Variants in PCDHGA3 observed in about 807,000 individuals in gnomAD.
PCDHGA3 encodes the protein protocadherin gamma-A3.
In PCDHGA3, 40 loss-of-function variants were observed where a neutral mutation model predicts 58.5. That is an observed-to-expected ratio of 0.68 (90% CI 0.53 to 0.89). The LOEUF (loss-of-function observed/expected upper bound fraction) is 0.89. PCDHGA3 is among the 40% of genes least tolerant of loss of function. The probability of loss-of-function intolerance (pLI) is 0.00; values close to 1 mark genes in which losing one functional copy is unlikely to be tolerated. For missense variants in PCDHGA3, 1,223 were observed against 1,195.9 expected (o/e 1.02, Z -0.33); for synonymous variants, 530 against 525.7 (o/e 1.01, Z -0.11).
At chr5:141,389,806 T>C in intron 1 of PCDHGA3, 3 of 1,613,810 alleles carry the variant, frequency 1.9e-6, no homozygotes, top group Non-Finnish European at 2.5e-6. Flanking sequence ...CAGCGCCTTC[T>C]GGTCGCCGTG....
chr5:141,366,571 G>A (rs1764656817), intron 1 of PCDHGA3: 4 of 1,614,112 alleles, frequency 2.5e-6, no homozygotes, highest in South Asian at 2.2e-5. Flanking sequence ...ATGGGGTTCG[G>A]GCTTTCCTGC....
chr5:141,402,855 T>G, intron 1 of PCDHGA3: 1 of 1,425,070 alleles, frequency 7.0e-7, no homozygotes, highest in Non-Finnish European at 9.2e-7. Flanking sequence ...CTCTTTCTTC[T>G]AAGGAAAAGA....
Position 141,489,732 on chromosome 5 carries a change from C to T in PCDHGA3, c.2425-5075C>T, listed in dbSNP as rs1562132763. On this transcript the variant is annotated intron_variant, in intron 1 of 3. Coordinates refer to ENST00000253812, the MANE Select transcript of PCDHGA3 (RefSeq NM_018916.4). This position sits in a 1 kb window ranked among gnomAD's most constrained non-coding sequence, Gnocchi z 4.5. ...GTGCCCAGGATCCGGATGTGGGCAC[C>T]AATACTGTGAGCTTTTACACTCTAA... 3.1e-6 allele frequency: 5 copies of T among 1,614,126 alleles called. No individual in the cohort carries two copies. The highest frequency in any genetic ancestry group is 1.1e-5 in the South Asian group (1 of 91,074).
chr5:141,404,722 G>C (rs1335640902), intron 1 of PCDHGA3: 2 of 1,614,138 alleles, frequency 1.2e-6, no homozygotes, highest in South Asian at 1.1e-5. Flanking sequence ...TGGTGACCAA[G>C]GTGGTGGCAG....
chr5:141,488,502 C>T (rs989368385), intron 1 of PCDHGA3, among the ~76,000 whole-genome samples: 2 of 152,146 alleles, frequency 1.3e-5, no homozygotes, highest in Non-Finnish European at 2.9e-5. Context: ...ACACTCATTC[C>T]ACATTTGGGG....
Position 141,346,044 on chromosome 5 carries a change from A to G in PCDHGA3, c.2011A>G (p.Ile671Val), listed in dbSNP as rs764384802. ...GGCCGTGGCCGACAGGATCCCCGAC[A>G]TCCTGGCCGACCTGGGCAGCCTCGA... ...TVAVADRIPDILADLGSLEPS... is the reference protein window; with the variant it reads ...TVAVADRIPDVLADLGSLEPS... Residue 671 changes from isoleucine (I) to valine (V), a missense_variant, in exon 1 of 4, where the codon ATC becomes GTC. Coordinates refer to ENST00000253812, the MANE Select transcript of PCDHGA3 (RefSeq NM_018916.4). The G allele has an allele frequency of 6.2e-6, 10 of 1,613,362 alleles. No individual in the cohort carries two copies. The highest frequency in any genetic ancestry group is 1.7e-4 in the Middle Eastern group (1 of 5,840).
chr5:141,415,461 T>G, intron 1 of PCDHGA3: 1 of 1,614,180 alleles, frequency 6.2e-7, no homozygotes, highest in African/African-American at 1.3e-5. Flanking sequence ...ACGAGGTCTC[T>G]CTCACCGCGG....
chr5:141,350,771 C>A, intron 1 of PCDHGA3: 1 of 1,613,922 alleles, frequency 6.2e-7, no homozygotes, highest in Non-Finnish European at 8.5e-7. Flanking sequence ...CACCATCAAC[C>A]CCAATCAATA....
chr5:141,409,033 A>T, intron 1 of PCDHGA3: 1 of 1,614,028 alleles, frequency 6.2e-7, no homozygotes, highest in Non-Finnish European at 8.5e-7. Context: ...ATGCTGAGAT[A>T]AACTACTACT....
In PCDHGA3 at chr5:141,486,585, GGGA is replaced by G; in HGVS notation, c.2425-8221_2425-8219del. The G allele has an allele frequency of 6.2e-7, 1 of 1,613,708 alleles. No individual in the cohort carries two copies. Among genetic ancestry groups the G allele is most frequent in the Non-Finnish European group, 8.5e-7 (1 of 1,180,024 alleles). On this transcript the variant is annotated intron_variant, in intron 1 of 3. Transcript: ENST00000253812. This position sits in a 1 kb window ranked among gnomAD's most constrained non-coding sequence, Gnocchi z 5.0. ...TTTGTTCCTGAGAACAATCGCCCAG[GGGA>G]CCTGCTTTGCTCCCTTGCAGCCTCT...
intron 1 of PCDHGA3, among the ~76,000 whole-genome samples, chr5:141,472,280 A>G (rs988007394): frequency 6.6e-6 from 1 of 152,276 alleles, no homozygotes; most frequent in African/African-American, 2.4e-5. Context: ...AGTGGCTCAC[A>G]CCTGTAATCC....
At chr5:141,347,150 T>TCTTTCTTTCTTTCTTTCTTTCTTTCTTC (rs1757908746) in intron 1 of PCDHGA3, among the ~76,000 whole-genome samples, 9 of 132,996 alleles carry the variant, frequency 6.8e-5, no homozygotes, top group African/African-American at 2.5e-4. Flanking sequence ...TTTCTTTCTT[T>TCTTTCTTTCTTTCTTTCTTTCTTTCTTC]CTTTCTTTCT....
At chr5:141,467,050 G>T (rs6580189) in intron 1 of PCDHGA3, among the ~76,000 whole-genome samples, 42,616 of 146,752 alleles carry the variant, frequency 0.29, 6,868 homozygotes, top group African/African-American at 0.45. Flanking sequence ...ATGAATCAAT[G>T]TTTTCTTTTT....
chr5:141,347,911 C>T (rs1478435010), intron 1 of PCDHGA3, among the ~76,000 whole-genome samples: 1 of 152,138 alleles, frequency 6.6e-6, no homozygotes, highest in African/African-American at 2.4e-5. Flanking sequence ...GGGTGGAAAG[C>T]TCACCTAGCT....
At chr5:141,435,214 AC>A (rs1332585721) in intron 1 of PCDHGA3, among the ~76,000 whole-genome samples, 1 of 152,176 alleles carries the variant, frequency 6.6e-6, no homozygotes, top group African/African-American at 2.4e-5. Flanking sequence ...AAGTGAATTT[AC>A]TTTCTTTCAA....
chr5:141,484,944 AG>A (rs1354711871), intron 1 of PCDHGA3: 1 of 546,450 alleles, frequency 1.8e-6, no homozygotes, highest in Non-Finnish European at 3.3e-6. Context: ...TTCTCTGCTC[AG>A]CCTATTGGCT....
intron 2 of PCDHGA3, among the ~76,000 whole-genome samples, chr5:141,499,689 CTTTTT>C (rs545067566): frequency 3.3e-5 from 4 of 119,852 alleles, no homozygotes; most frequent in Non-Finnish European, 3.5e-5. Flanking sequence ...TAACAGATGA[CTTTTT>C]TTTTTTTTTT....
In PCDHGA3 at chr5:141,489,362, C is replaced by T. The variant is rs1562129544; in HGVS notation, c.2425-5445C>T. 8 of 1,613,052 alleles carry T rather than the reference C, an allele frequency of 5.0e-6. No individual in the cohort carries two copies. Among genetic ancestry groups the T allele is most frequent in the South Asian group, 2.2e-5 (2 of 90,970 alleles). On this transcript the variant is annotated intron_variant, in intron 1 of 3. Coordinates refer to ENST00000253812, the MANE Select transcript of PCDHGA3 (RefSeq NM_018916.4). The surrounding 1 kb of genome is among the most constrained non-coding windows in gnomAD (Gnocchi z 4.5). ...TACTCAGTGGTGGAGGAGTCTGAGC[C>T]GGGGACGCTGGTGGGGAATGTTGCT...
chr5:141,403,595 T>G (rs2094430008), intron 1 of PCDHGA3: 1 of 1,613,824 alleles, frequency 6.2e-7, no homozygotes, highest in East Asian at 2.2e-5. Flanking sequence ...CCTCACGGCC[T>G]CGGATGGCGG....
Sources: gnomAD v4.1 joint callset for allele counts (sites outside exome capture counted in the v4.1 genomes callset) on GRCh38, gnomAD v4.1.1 for gene constraint, Gnocchi (gnomAD v3.1) non-coding constraint, MANE v1.5 for transcripts, NCBI Gene and HGNC (gene_info 2026-07-23, HGNC 2026-07-21) for gene names.